The following SORCS2 variants were observed in gnomAD, a reference collection of about 807,000 sequenced individuals.
SORCS2 encodes sortilin related VPS10 domain containing receptor 2, also known as VPS10 domain-containing receptor SorCS2.
SORCS2 carries 100 observed loss-of-function variants against 141.6 expected under a neutral mutation model. That is an observed-to-expected ratio of 0.71 (90% CI 0.60 to 0.83). The LOEUF (loss-of-function observed/expected upper bound fraction) is 0.83. SORCS2 is among the 40% of genes least tolerant of loss of function. SORCS2 has a pLI of 0.00. For synonymous variants in SORCS2, 789 were observed against 676.9 expected (o/e 1.17, Z -2.57); for missense variants, 1,646 against 1,560.2 (o/e 1.05, Z -0.93).
intron 3 of SORCS2, among the ~76,000 whole-genome samples, chr4:7,549,965 T>C (rs1405950877): frequency 6.6e-6 from 1 of 152,190 alleles, no homozygotes; most frequent in Admixed American, 6.5e-5. Context: ...TTCTCATATT[T>C]GCTCCCGAGG....
intron 17 of SORCS2, among the ~76,000 whole-genome samples, chr4:7,716,083 T>C (rs558540743): frequency 2.4e-3 from 351 of 147,334 alleles, no homozygotes; most frequent in Non-Finnish European, 3.9e-3. Flanking sequence ...TCAATTCATG[T>C]AAAATGTTAG....
At chr4:7,724,090 G>A (rs1388658185) in intron 19 of SORCS2, among the ~76,000 whole-genome samples, 1 of 151,912 alleles carries the variant, frequency 6.6e-6, no homozygotes, top group Non-Finnish European at 1.5e-5. Context: ...GGTAGCTGGT[G>A]GTGATATTGA....
chr4:7,667,852 CAG>C (rs1722592625), intron 8 of SORCS2, among the ~76,000 whole-genome samples: 3 of 152,202 alleles, frequency 2.0e-5, no homozygotes, highest in Admixed American at 2.0e-4. Flanking sequence ...TCCCACCTAA[CAG>C]AGGAGGTGAT....
At chr4:7,694,091 G>C (rs1483511411) in intron 11 of SORCS2, among the ~76,000 whole-genome samples, 1 of 152,224 alleles carries the variant, frequency 6.6e-6, no homozygotes, top group Non-Finnish European at 1.5e-5. Flanking sequence ...AGTGTGGGTG[G>C]GGTAGATTTT....
At chr4:7,356,901 G>A (rs1479307888) in intron 1 of SORCS2, among the ~76,000 whole-genome samples, 3 of 152,204 alleles carry the variant, frequency 2.0e-5, no homozygotes, top group East Asian at 1.9e-4. Context: ...GTCCTGGGGC[G>A]ACCAGCCAGC....
intron 1 of SORCS2, among the ~76,000 whole-genome samples, chr4:7,373,928 A>T (rs1447928480): frequency 1.3e-5 from 2 of 152,104 alleles, no homozygotes; most frequent in Non-Finnish European, 2.9e-5. Flanking sequence ...TTATCTATAG[A>T]TTAATATTTT....
chr4:7,683,274 A>C (rs1314964606), intron 10 of SORCS2, among the ~76,000 whole-genome samples: 1 of 144,766 alleles, frequency 6.9e-6, no homozygotes, highest in African/African-American at 2.9e-5. Context: ...GGCTGGGCTC[A>C]GCTGAGCGGC....
At chr4:7,517,762 C>A (rs1733080967) in intron 2 of SORCS2, among the ~76,000 whole-genome samples, 1 of 152,142 alleles carries the variant, frequency 6.6e-6, no homozygotes. Flanking sequence ...GGGAAATTAC[C>A]CAGGACACAG....
intron 2 of SORCS2, chr4:7,433,706 G>A (rs766940450): frequency 1.2e-6 from 2 of 1,612,912 alleles, no homozygotes; most frequent in Non-Finnish European, 1.7e-6. Context: ...AAGCTGCCCT[G>A]GTTCTCCGCG....
At chr4:7,591,063 T>C (rs529743711) in intron 3 of SORCS2, among the ~76,000 whole-genome samples, 5 of 152,314 alleles carry the variant, frequency 3.3e-5, no homozygotes, top group South Asian at 2.1e-4. Flanking sequence ...CGGGTCTCAA[T>C]GGAGGAAACT....
intron 1 of SORCS2, among the ~76,000 whole-genome samples, chr4:7,261,989 C>T (rs1714358940): frequency 2.0e-5 from 3 of 152,200 alleles, no homozygotes; most frequent in Admixed American, 2.0e-4. Flanking sequence ...TTGATAAATA[C>T]ATTTTATGTG....
intron 1 of SORCS2, 74 bp from the exon 2 acceptor site, chr4:7,396,214 G>T (rs1724204072): frequency 7.0e-7 from 1 of 1,422,212 alleles, no homozygotes; most frequent in Non-Finnish European, 9.8e-7. Context: ...GGCACGGAGT[G>T]GTGTCACTGT....
intron 3 of SORCS2, among the ~76,000 whole-genome samples, chr4:7,633,591 G>A (rs1720037842): frequency 7.8e-6 from 1 of 128,546 alleles, no homozygotes; most frequent in South Asian, 2.5e-4. Context: ...GAATGAATGA[G>A]CCTTCATTCA....
intron 1 of SORCS2, among the ~76,000 whole-genome samples, chr4:7,204,608 A>T (rs528091979): frequency 5.3e-5 from 8 of 152,344 alleles, no homozygotes; most frequent in African/African-American, 1.9e-4. Flanking sequence ...GCCGGTCAGT[A>T]GCACAATTGC....
chr4:7,456,091 G>A (rs1728897226), intron 2 of SORCS2, among the ~76,000 whole-genome samples: 1 of 152,160 alleles, frequency 6.6e-6, no homozygotes, highest in African/African-American at 2.4e-5. Context: ...TCCTCACGTG[G>A]TCGTCCCTCT....
Position 7,536,833 on chromosome 4 carries a change from G to GT in SORCS2, c.648+5204_648+5205insT, listed in dbSNP as rs199566651. ...AGCGGATGTCCCCATACTCAGATGT[G>GT]GGGGGGGGGGGCGGGCAGGGCCCAC... is the stretch of plus-strand genomic sequence containing the variant. On this transcript the variant is annotated intron_variant, in intron 3 of 26. Coordinates refer to ENST00000507866, the MANE Select transcript of SORCS2 (RefSeq NM_020777.3). 4.5e-3 allele frequency among the ~76,000 whole-genome samples: 98 copies of GT among 21,564 alleles called. 7 individuals are homozygous for GT. Among genetic ancestry groups the GT allele is most frequent in the East Asian group, 0.01 (2 of 198 alleles). The allele number at this position is 21,564 out of a possible 152,430, so 14.1% of individuals were successfully genotyped here.
intron 14 of SORCS2, among the ~76,000 whole-genome samples, chr4:7,708,263 C>T (rs1180073993): frequency 6.6e-6 from 1 of 152,220 alleles, no homozygotes; most frequent in Non-Finnish European, 1.5e-5. Flanking sequence ...AGTATAGAGG[C>T]CTGGCTTCCG....
At position 7,657,920 on chromosome 4, in the gene SORCS2, G is replaced by T. The variant is rs115797484; in HGVS notation, c.888-3580G>T. On this transcript the variant is annotated intron_variant, in intron 5 of 26. Transcript: ENST00000507866. ...TGAGTGAATGAGTGAGTCTATGGTT[G>T]AGTGAGTGAATAAGTGACCGAGTGA... 4.8e-3 allele frequency among the ~76,000 whole-genome samples: 736 copies of T among 152,108 alleles called. 4 individuals are homozygous for T. Among genetic ancestry groups the T allele is most frequent in the Middle Eastern group, 6.8e-3 (2 of 294 alleles).
At chr4:7,264,399 T>C (rs111605136) in intron 1 of SORCS2, among the ~76,000 whole-genome samples, 4,261 of 152,222 alleles carry the variant, frequency 0.028, 197 homozygotes, top group African/African-American at 0.097. Flanking sequence ...GATGAGTGAC[T>C]GCAGGTGTGG....
Sources: gnomAD v4.1 joint callset for allele counts (sites outside exome capture counted in the v4.1 genomes callset) on GRCh38, gnomAD v4.1.1 for gene constraint, MANE v1.5 for transcripts, NCBI Gene and HGNC (gene_info 2026-07-23, HGNC 2026-07-21) for gene names.